The following CTNNA2 variants were observed in gnomAD, a reference collection of about 807,000 sequenced individuals.
CTNNA2 encodes catenin alpha-2.
A neutral mutation model predicts 101.0 loss-of-function variants in CTNNA2; 42 were observed. That is an observed-to-expected ratio of 0.42 (90% CI 0.32 to 0.54). CTNNA2 has a LOEUF of 0.54. Among genes scored for constraint, CTNNA2 ranks in the 20% least tolerant of loss-of-function variants. The pLI, the probability that CTNNA2 is intolerant of heterozygous loss-of-function variation, is 0.14. For synonymous variants in CTNNA2, 450 were observed against 456.4 expected, an observed-to-expected ratio of 0.99 and a Z score of 0.18; for missense variants, 871 against 1,223.1, an observed-to-expected ratio of 0.71 and a Z score of 4.29.
At chr2:80,576,411 T>C (rs548933714) in intron 13 of CTNNA2, 8 of 150,372 alleles carry the variant, frequency 5.3e-5, no homozygotes, top group African/African-American at 2.0e-4. Context: ...GCTTGTCCAT[T>C]GGGATCTGTT....
chr2:80,601,518 T>G (rs1284993971), intron 15 of CTNNA2: 1 of 151,308 alleles, frequency 6.6e-6, no homozygotes, highest in African/African-American at 2.4e-5. Flanking sequence ...CTGGTCTGTT[T>G]TGATAATTTA....
At chr2:79,310,316 G>A (rs757758011) in intron 2 of CTNNA2, among the ~76,000 whole-genome samples, 1 of 152,088 alleles carries the variant, frequency 6.6e-6, no homozygotes, top group Non-Finnish European at 1.5e-5. Flanking sequence ...TCTTCATTAT[G>A]GAGGTTTTTG....
intron 7 of CTNNA2, among the ~76,000 whole-genome samples, chr2:80,374,042 C>CAAAG (rs1005956937): frequency 6.7e-6 from 1 of 149,342 alleles, no homozygotes; most frequent in Non-Finnish European, 1.5e-5. Flanking sequence ...AACAAAATAC[C>CAAAG]AAAGACTGGG....
At chr2:80,016,344 A>G (rs955663308) in intron 7 of CTNNA2, among the ~76,000 whole-genome samples, 51 of 152,138 alleles carry the variant, frequency 3.4e-4, no homozygotes, top group Non-Finnish European at 8.8e-5. Context: ...CGCTGGGTCA[A>G]TACGGAGTGC....
At position 80,424,163 on chromosome 2, in the gene CTNNA2, C is replaced by T. The variant is rs148353644; in HGVS notation, c.1290+4562C>T. On this transcript the variant is annotated intron_variant, in intron 9 of 18. Coordinates refer to ENST00000402739, the MANE Select transcript of CTNNA2 (RefSeq NM_001282597.3). ...TAGAGACGGGGTTTCACTATGTTGG[C>T]CAGGCTGGTCTCAAACTCCTGACTT... 4.4e-3 allele frequency among the ~76,000 whole-genome samples: 677 copies of T among 152,208 alleles called. 7 individuals carry two copies. Among genetic ancestry groups the T allele is most frequent in the African/African-American group, 0.016 (654 of 41,544 alleles).
intron 7 of CTNNA2, among the ~76,000 whole-genome samples, chr2:80,141,190 T>C (rs796354147): frequency 1.5e-4 from 23 of 152,188 alleles, no homozygotes; most frequent in African/African-American, 5.1e-4. Flanking sequence ...GATGAGTCAC[T>C]CAGGGATGGC....
intron 7 of CTNNA2, among the ~76,000 whole-genome samples, chr2:80,098,085 A>C (rs560679903): frequency 2.0e-5 from 3 of 152,136 alleles, no homozygotes; most frequent in African/African-American, 7.2e-5. Context: ...AGGCACTCTG[A>C]TTTTTAGAGT....
chr2:79,385,380 C>G (rs980763882), intron 4 of CTNNA2, among the ~76,000 whole-genome samples: 13 of 152,156 alleles, frequency 8.5e-5, no homozygotes, highest in Non-Finnish European at 1.5e-4. Context: ...ATTCCAGCAA[C>G]AGTAGACCAC....
At chr2:80,405,890 T>C (rs1202707969) in intron 8 of CTNNA2, among the ~76,000 whole-genome samples, 1 of 152,202 alleles carries the variant, frequency 6.6e-6, no homozygotes, top group Non-Finnish European at 1.5e-5. Context: ...ACCCATCTTC[T>C]TTCCTTCCAT....
intron 7 of CTNNA2, among the ~76,000 whole-genome samples, chr2:79,981,816 C>A (rs911897212): frequency 1.3e-5 from 2 of 151,896 alleles, no homozygotes; most frequent in Admixed American, 1.3e-4. Flanking sequence ...AATGTATGTC[C>A]TTTCTGGAGA....
At chr2:80,180,564 T>C (rs1392815843) in intron 7 of CTNNA2, among the ~76,000 whole-genome samples, 2 of 152,338 alleles carry the variant, frequency 1.3e-5, no homozygotes, top group African/African-American at 4.8e-5. Flanking sequence ...TAACTATTCC[T>C]GTTGCATTTA....
At chr2:80,478,777 A>T (rs1342706070) in intron 9 of CTNNA2, among the ~76,000 whole-genome samples, 1 of 152,092 alleles carries the variant, frequency 6.6e-6, no homozygotes, top group African/African-American at 2.4e-5. Flanking sequence ...TGGTTACTAT[A>T]GCCTTGTAAT....
chr2:79,793,278 C>G (rs1422003495), intron 3 of CTNNA2, among the ~76,000 whole-genome samples: 13 of 152,218 alleles, frequency 8.5e-5, no homozygotes, highest in Non-Finnish European at 1.5e-4. Flanking sequence ...GCCTTTATTA[C>G]TCACAGCGCA....
At chr2:80,197,070 T>C (rs1376564087) in intron 7 of CTNNA2, among the ~76,000 whole-genome samples, 1 of 152,204 alleles carries the variant, frequency 6.6e-6, no homozygotes, top group East Asian at 1.9e-4. Context: ...TACCTACCCA[T>C]CTTTCAGGTC....
At chr2:80,219,019 C>T (rs1179951253) in intron 7 of CTNNA2, among the ~76,000 whole-genome samples, 1 of 151,926 alleles carries the variant, frequency 6.6e-6, no homozygotes, top group Non-Finnish European at 1.5e-5. Flanking sequence ...GTAGACTGTA[C>T]TTAGGTTACT....
chr2:79,553,524 A>G (rs1412266843), intron 1 of CTNNA2, among the ~76,000 whole-genome samples: 1 of 152,208 alleles, frequency 6.6e-6, no homozygotes, highest in African/African-American at 2.4e-5. Flanking sequence ...GGTTTAATTC[A>G]TTCACAGTTG....
intron 1 of CTNNA2, among the ~76,000 whole-genome samples, chr2:79,529,934 CT>C (rs1353088296): frequency 2.0e-5 from 3 of 151,864 alleles, no homozygotes; most frequent in Non-Finnish European, 4.4e-5. Context: ...ATTGTAGCTC[CT>C]GGGTAGCTCT....
chr2:80,084,678 AC>A (rs1699338762), intron 7 of CTNNA2, among the ~76,000 whole-genome samples: 1 of 152,144 alleles, frequency 6.6e-6, no homozygotes, highest in Non-Finnish European at 1.5e-5. Flanking sequence ...TTGCATGAAT[AC>A]ATTAATTAAC....
At chr2:79,384,603 G>A (rs1298264469) in intron 4 of CTNNA2, among the ~76,000 whole-genome samples, 1 of 152,120 alleles carries the variant, frequency 6.6e-6, no homozygotes, top group Non-Finnish European at 1.5e-5. Flanking sequence ...AGGATGTTAG[G>A]TACTCAAGAC....
Sources: allele counts gnomAD v4.1 joint callset (sites outside exome capture counted in the v4.1 genomes callset), GRCh38; gene constraint gnomAD v4.1.1; transcripts MANE v1.5; gene names NCBI Gene and HGNC (gene_info 2026-07-23, HGNC 2026-07-21).